Variants in ANK3 observed in about 807,000 individuals in gnomAD.
ANK3 encodes ankyrin 3, also known as ankyrin-3.
A neutral mutation model predicts 370.9 loss-of-function variants in ANK3; 57 were observed. The observed-to-expected ratio is 0.15, with a 90% CI of 0.12 to 0.19. The LOEUF (loss-of-function observed/expected upper bound fraction) is 0.19. Among genes scored for constraint, ANK3 ranks in the 10% least tolerant of loss-of-function variants. The pLI, the probability that ANK3 is intolerant of heterozygous loss-of-function variation, is 1.00. For missense variants in ANK3, 4,439 were observed against 5,302.1 expected (o/e 0.84, Z 5.06); for synonymous variants, 1,929 against 1,946.3 (o/e 0.99, Z 0.23).
chr10:60,082,048 A>G (rs2085409827), intron 35 of ANK3, 102 bp downstream of exon 35: 3 of 867,560 alleles, frequency 3.5e-6, no homozygotes, highest in Non-Finnish European at 5.3e-6. Context: ...TGAAAAATAT[A>G]ATTTATATGT....
rs528408812 is a variant in ANK3 at position 60,728,377 on chromosome 10, C to T, written c.57+4886G>A. Among the ~76,000 whole-genome samples the T allele has an allele frequency of 1.2e-4, 19 of 152,206 alleles. No homozygotes were observed. The South Asian group carries it at 2.1e-3, about 17-fold the overall frequency. ...GTTTGTTGTCTAAGATGCCATCAAT[C>T]GTAGGGAGCACAATTGCTTTAAAAT... On this transcript the variant is annotated intron_variant, in intron 1 of 43. Coordinates refer to the ANK3 transcript ENST00000373827.
At chr10:60,718,871 C>G (rs1198024498) in intron 1 of ANK3, among the ~76,000 whole-genome samples, 1 of 151,954 alleles carries the variant, frequency 6.6e-6, no homozygotes, top group Non-Finnish European at 1.5e-5. Context: ...GAAAAGATAC[C>G]CAAGAGAAAA....
At chr10:60,156,158 C>T (rs926898127) in intron 23 of ANK3, among the ~76,000 whole-genome samples, 2 of 152,198 alleles carry the variant, frequency 1.3e-5, no homozygotes, top group Admixed American at 6.5e-5. Context: ...CTGTGTCACT[C>T]ATCCCCCAAT....
At chr10:60,146,335 G>A (rs1452753535) in intron 23 of ANK3, among the ~76,000 whole-genome samples, 2 of 152,196 alleles carry the variant, frequency 1.3e-5, no homozygotes, top group Admixed American at 1.3e-4. Flanking sequence ...GGGTACGTGT[G>A]CAGGTTTGTA....
chr10:60,556,585 C>T (rs138872053), intron 2 of ANK3, among the ~76,000 whole-genome samples: 2,460 of 152,168 alleles, frequency 0.016, 65 homozygotes, highest in African/African-American at 0.053. Context: ...ACATCCAGTC[C>T]CACTATTTCC....
At chr10:60,213,964 T>C (rs1288466185) in intron 8 of ANK3, among the ~76,000 whole-genome samples, 1 of 152,150 alleles carries the variant, frequency 6.6e-6, no homozygotes, top group Non-Finnish European at 1.5e-5. Flanking sequence ...TACATATTTC[T>C]CTGCCATGAA....
intron 7 of ANK3, among the ~76,000 whole-genome samples, chr10:60,252,457 T>C (rs1444577026): frequency 6.6e-6 from 1 of 152,298 alleles, no homozygotes; most frequent in East Asian, 1.9e-4. Context: ...AAAGTGCAAA[T>C]GAATAAAGTG....
At chr10:60,692,819 A>C (rs1038962074) in intron 1 of ANK3, among the ~76,000 whole-genome samples, 1 of 152,258 alleles carries the variant, frequency 6.6e-6, no homozygotes, top group Non-Finnish European at 1.5e-5. Flanking sequence ...CTGATTGTTA[A>C]AAGTGATTTT....
chr10:60,069,338 C>T lies in ANK3; in HGVS notation c.11543G>A (p.Gly3848Glu). 1.9e-6 allele frequency: 3 copies of T among 1,614,086 alleles called. No homozygotes were observed. The highest frequency in any genetic ancestry group is 2.2e-5 in the South Asian group (2 of 91,078). ...CAATTCCTTTGTTTTTTGCTGTTCT[C>T]CAAGAACTTTCTGCTTATCTCTTAC... ...HCVRDKQKVLGEQQKTKELIG... is the reference protein window; with the variant it reads ...HCVRDKQKVLEEQQKTKELIG... Residue 3848 changes from glycine (G) to glutamate (E), a missense_variant, in exon 37 of 44, where the codon GGA becomes GAA. By Grantham distance (98) the Gly-to-Glu change is moderately conservative. Transcript: ENST00000280772.
At chr10:60,531,021 C>T (rs756940445) in intron 2 of ANK3, among the ~76,000 whole-genome samples, 1 of 151,992 alleles carries the variant, frequency 6.6e-6, no homozygotes, top group East Asian at 1.9e-4. Context: ...TAAACTTTGT[C>T]TTTAGAATCA....
Position 60,261,887 on chromosome 10 carries a change from C to A in ANK3, c.770G>T (p.Arg257Leu). Residue 257 changes from arginine (R) to leucine (L), a missense_variant, in exon 7 of 44, where the codon CGA (arginine) becomes CTA (leucine). This residue lies in a region of ANK3 where 227 missense variants were observed against 377.6 expected (regional missense o/e 0.60). Coordinates refer to ENST00000280772, the MANE Select transcript of ANK3 (RefSeq NM_020987.5). ...TGCGGTGAAATCCACAGCAGCCGCTCGGTTTAACAGCAACGTGGCTACATT... is the reference window on the plus strand; with the variant it reads ...TGCGGTGAAATCCACAGCAGCCGCTAGGTTTAACAGCAACGTGGCTACATT... ...NINVATLLLNRAAAVDFTARN... is the reference protein window; with the variant it reads ...NINVATLLLNLAAAVDFTARN... The A allele has an allele frequency of 6.2e-7, 1 of 1,614,080 alleles. No homozygotes were observed. The highest frequency in any genetic ancestry group is 8.5e-7 in the Non-Finnish European group (1 of 1,179,980).
chr10:60,217,454 C>G (rs763089838), intron 8 of ANK3, among the ~76,000 whole-genome samples: 2 of 151,982 alleles, frequency 1.3e-5, no homozygotes, highest in South Asian at 4.2e-4. Flanking sequence ...TCTGGTACAT[C>G]GTCTCTCTGT....
At chr10:60,199,545 G>A (rs2096641190) in intron 13 of ANK3, among the ~76,000 whole-genome samples, 1 of 152,158 alleles carries the variant, frequency 6.6e-6, no homozygotes, top group Non-Finnish European at 1.5e-5. Flanking sequence ...TTTACATATT[G>A]TAGGTTGAAA....
chr10:60,717,272 A>G (rs1182215090), intron 1 of ANK3, among the ~76,000 whole-genome samples: 1 of 134,116 alleles, frequency 7.5e-6, no homozygotes, highest in East Asian at 2.4e-4. Context: ...TCAAAAAATA[A>G]AGGGTGCATA....
chr10:60,367,561 A>G (rs1386905844), intron 1 of ANK3, among the ~76,000 whole-genome samples: 2 of 152,216 alleles, frequency 1.3e-5, no homozygotes, highest in Non-Finnish European at 2.9e-5. Flanking sequence ...GGCAGTGGGG[A>G]AAAATGTGCT....
At chr10:60,067,633 G>A (rs1564736846) in intron 38 of ANK3, among the ~76,000 whole-genome samples, 3 of 152,222 alleles carry the variant, frequency 2.0e-5, no homozygotes, top group African/African-American at 7.2e-5. Flanking sequence ...AGATAAATTT[G>A]CTATTCAGTA....
chr10:60,084,842 A>G lies in ANK3; in HGVS notation c.3846-12T>C, dbSNP rs1227057649. 1 of 1,509,528 alleles carries G rather than the reference A, an allele frequency of 6.6e-7. No individual in the cohort carries two copies. Among genetic ancestry groups the G allele is most frequent in the Non-Finnish European group, 8.8e-7 (1 of 1,130,976 alleles). 93.5% of individuals were successfully genotyped at this position (1,509,528 alleles called of 1,614,324 possible). A position where few individuals can be genotyped will look rare whatever the true frequency, so the allele number is the denominator to read the frequency against. ...CTGCAAGCCAAAATCTGAGCAAAACAAAAAACAGAAGTATGAAAATGTGGC... is the reference window on the plus strand; with the variant it reads ...CTGCAAGCCAAAATCTGAGCAAAACGAAAAACAGAAGTATGAAAATGTGGC... On this transcript the variant is annotated splice_polypyrimidine_tract_variant and intron_variant, in intron 31 of 43. Transcript: ENST00000280772.
chr10:60,604,773 AC>A (rs2078108180), intron 2 of ANK3, among the ~76,000 whole-genome samples: 1 of 152,150 alleles, frequency 6.6e-6, no homozygotes, highest in African/African-American at 2.4e-5. Flanking sequence ...AGTGGCCACC[AC>A]CTATGCTCAG....
chr10:60,120,069 A>G (rs1326084667), intron 25 of ANK3, among the ~76,000 whole-genome samples: 1 of 152,226 alleles, frequency 6.6e-6, no homozygotes, highest in Non-Finnish European at 1.5e-5. Context: ...ATTATACTAC[A>G]GAGATATAAT....
Sources: gnomAD v4.1 joint callset for allele counts (sites outside exome capture counted in the v4.1 genomes callset) on GRCh38, gnomAD v4.1.1 for gene constraint, gnomAD v4.1.1 regional missense constraint, MANE v1.5 for transcripts, NCBI Gene and HGNC (gene_info 2026-07-23, HGNC 2026-07-21) for gene names.